AFAP1: variants seen among roughly 807,000 people sequenced by gnomAD.
The protein encoded by AFAP1 is actin filament-associated protein 1.
In AFAP1, 75 loss-of-function variants were observed where a neutral mutation model predicts 93.9. That is an observed-to-expected ratio of 0.80 (90% confidence interval 0.66 to 0.97). The LOEUF (loss-of-function observed/expected upper bound fraction) is 0.97, where lower values mean the gene tolerates loss of function less well. Among genes scored for constraint, AFAP1 ranks in the 50% least tolerant of loss-of-function variants. AFAP1 has a pLI of 0.00. For missense variants in AFAP1, 1,201 were observed against 1,050.8 expected (o/e 1.14, Z -1.98); for synonymous variants, 517 against 430.7 (o/e 1.20, Z -2.48).
chr4:7,870,702 C>T (rs1716946153), intron 2 of AFAP1, among the ~76,000 whole-genome samples: 1 of 152,072 alleles, frequency 6.6e-6, no homozygotes, highest in South Asian at 2.1e-4. Flanking sequence ...AGAATAGGGT[C>T]CCTATCCTGC....
chr4:7,779,655 G>T (rs1397880414), intron 13 of AFAP1, among the ~76,000 whole-genome samples: 2 of 152,202 alleles, frequency 1.3e-5, no homozygotes, highest in African/African-American at 4.8e-5. Flanking sequence ...GAGAGATCTA[G>T]CTCCAAATTC....
intron 1 of AFAP1, among the ~76,000 whole-genome samples, chr4:7,889,359 T>C (rs35114566): frequency 0.11 from 17,289 of 151,508 alleles, 1,153 homozygotes; most frequent in Non-Finnish European, 0.16. Flanking sequence ...TCATCCTGGC[T>C]AACATGGTGA....
chr4:7,789,190 C>G (rs1464737682), intron 11 of AFAP1, among the ~76,000 whole-genome samples: 1 of 152,152 alleles, frequency 6.6e-6, no homozygotes, highest in Non-Finnish European at 1.5e-5. Context: ...AAACACGAGG[C>G]CTCGGTCTTG....
chr4:7,840,301 T>C (rs1354053703), intron 5 of AFAP1, among the ~76,000 whole-genome samples: 11 of 86,892 alleles, frequency 1.3e-4, no homozygotes, highest in African/African-American at 4.4e-4. Context: ...TGGTTTGTTT[T>C]TGGGGTGTGT....
chr4:7,885,014 T>C (rs1267016249), intron 1 of AFAP1, among the ~76,000 whole-genome samples: 1 of 152,170 alleles, frequency 6.6e-6, no homozygotes, highest in Non-Finnish European at 1.5e-5. Context: ...ACACCTTTCT[T>C]TGACAAAGGC....
At chr4:7,854,007 A>G (rs1714754357) in intron 4 of AFAP1, among the ~76,000 whole-genome samples, 1 of 152,200 alleles carries the variant, frequency 6.6e-6, no homozygotes, top group African/African-American at 2.4e-5. Flanking sequence ...AATGACCAAC[A>G]GCCCCCAAAA....
intron 17 of AFAP1, 122 bp from the exon 18 acceptor site, chr4:7,763,913 G>C: frequency 1.1e-6 from 1 of 918,630 alleles, no homozygotes; most frequent in South Asian, 1.4e-5. Context: ...AAACTCAACA[G>C]AATCAATGAC....
chr4:7,896,403 G>T (rs1283570915), intron 1 of AFAP1, among the ~76,000 whole-genome samples: 1 of 151,992 alleles, frequency 6.6e-6, no homozygotes, highest in African/African-American at 2.4e-5. Context: ...CGAGGGGTCT[G>T]ATCACTCTCG....
chr4:7,773,140 G>T, intron 15 of AFAP1, 130 bp from the exon 16 acceptor site: 2 of 1,375,420 alleles, frequency 1.5e-6, no homozygotes, highest in Non-Finnish European at 1.9e-6. Context: ...TTAGGTCCTC[G>T]TTGTGAAACT....
At chr4:7,796,305 G>A (rs1718412990) in intron 10 of AFAP1, among the ~76,000 whole-genome samples, 1 of 152,216 alleles carries the variant, frequency 6.6e-6, no homozygotes, top group South Asian at 2.1e-4. Flanking sequence ...AGTAAGGAAA[G>A]TGCTCCAAGC....
intron 4 of AFAP1, among the ~76,000 whole-genome samples, chr4:7,848,361 C>A (rs1251553128): frequency 1.3e-5 from 2 of 152,094 alleles, no homozygotes; most frequent in African/African-American, 4.8e-5. Context: ...ATGCGCAAAG[C>A]GTGGCTCAGT....
At chr4:7,891,478 G>A (rs1718467928) in intron 1 of AFAP1, among the ~76,000 whole-genome samples, 1 of 152,122 alleles carries the variant, frequency 6.6e-6, no homozygotes, top group African/African-American at 2.4e-5. Context: ...TAGGTAAATA[G>A]AACTTTAAGA....
At chr4:7,835,706 GCGGGCGGCC>G in intron 6 of AFAP1, among the ~76,000 whole-genome samples, 1 of 76,338 alleles carries the variant, frequency 1.3e-5, no homozygotes, top group Admixed American at 1.3e-4. Flanking sequence ...TGAATGGACT[GCGGGCGGCC>G]TTAAGGTTAC....
chr4:7,880,172 C>A (rs115070899), intron 1 of AFAP1, among the ~76,000 whole-genome samples: 2,568 of 151,756 alleles, frequency 0.017, 50 homozygotes, highest in African/African-American at 0.05. Flanking sequence ...AAAGAAATGA[C>A]TTATGGTTTG....
chr4:7,862,849 C>A (rs1197986202), intron 3 of AFAP1, among the ~76,000 whole-genome samples: 3 of 152,106 alleles, frequency 2.0e-5, no homozygotes, highest in African/African-American at 7.2e-5. Flanking sequence ...TTCTCCTGAG[C>A]CATGAAGATC....
At chr4:7,925,917 C>G (rs889831383) in intron 1 of AFAP1, among the ~76,000 whole-genome samples, 3 of 152,104 alleles carry the variant, frequency 2.0e-5, no homozygotes, top group Non-Finnish European at 2.9e-5. Flanking sequence ...CTCTAAGCCT[C>G]TATCTTCATC....
At chr4:7,908,204 T>C (rs949287320) in intron 1 of AFAP1, among the ~76,000 whole-genome samples, 4 of 151,238 alleles carry the variant, frequency 2.6e-5, no homozygotes, top group Admixed American at 2.6e-4. Flanking sequence ...AGAGCAAGAC[T>C]CTGTCTCAAA....
chr4:7,804,668 G>A (rs1186633533), intron 9 of AFAP1, among the ~76,000 whole-genome samples: 2 of 152,138 alleles, frequency 1.3e-5, no homozygotes, highest in Non-Finnish European at 1.5e-5. Flanking sequence ...TTAGAAGAGT[G>A]GCCACGTTTC....
intron 1 of AFAP1, among the ~76,000 whole-genome samples, chr4:7,878,371 C>T (rs1481939372): frequency 6.6e-6 from 1 of 152,180 alleles, no homozygotes; most frequent in East Asian, 1.9e-4. Context: ...GCATTCGGAT[C>T]CAGTTTCCAC....
Sources: allele counts gnomAD v4.1 joint callset (sites outside exome capture counted in the v4.1 genomes callset), GRCh38; gene constraint gnomAD v4.1.1; transcripts MANE v1.5; gene names NCBI Gene and HGNC (gene_info 2026-07-23, HGNC 2026-07-21).